The following TMEM182 variants were observed in gnomAD, a reference collection of about 807,000 sequenced individuals.
TMEM182 encodes transmembrane protein 182.
Under a neutral mutation model 26.8 loss-of-function variants are expected in TMEM182, and 20 were observed. The ratio of observed to expected loss-of-function variants is 0.75; its 90% CI spans 0.53 to 1.09. The LOEUF (loss-of-function observed/expected upper bound fraction) is 1.09, where lower values mean the gene tolerates loss of function less well. Among genes scored for constraint, TMEM182 ranks in the 50% least tolerant of loss-of-function variants. The pLI, the probability that TMEM182 is intolerant of heterozygous loss-of-function variation, is 0.00. For missense variants in TMEM182, 277 were observed against 275.5 expected, an observed-to-expected ratio of 1.01 and a Z score of -0.04; for synonymous variants, 109 against 102.2, an observed-to-expected ratio of 1.07 and a Z score of -0.40.
intron 3 of TMEM182, among the ~76,000 whole-genome samples, chr2:102,766,888 T>C (rs554032719): frequency 2.7e-4 from 41 of 152,292 alleles, no homozygotes; most frequent in African/African-American, 9.9e-4. Context: ...GAAAATAATA[T>C]AGTGGTGTAT....
At chr2:102,797,672 G>A in intron 3 of TMEM182, 191 bp from the exon 4 acceptor site, 1 of 595,452 alleles carries the variant, frequency 1.7e-6, no homozygotes, top group Non-Finnish European at 2.8e-6. Context: ...TCACCAGCTT[G>A]GACATCACTG....
intron 3 of TMEM182, among the ~76,000 whole-genome samples, chr2:102,774,327 C>T (rs1208156833): frequency 6.9e-6 from 1 of 144,306 alleles, no homozygotes; most frequent in Non-Finnish European, 1.5e-5. Flanking sequence ...GCTATCTCAG[C>T]TTACTGCAAC....
intron 1 of TMEM182, among the ~76,000 whole-genome samples, chr2:102,749,736 C>T (rs1679820500): frequency 6.6e-6 from 1 of 151,992 alleles, no homozygotes; most frequent in Admixed American, 6.6e-5. Context: ...TTAATTTCAT[C>T]CTGTTCAAGA....
intron 3 of TMEM182, among the ~76,000 whole-genome samples, chr2:102,831,223 G>A (rs140030913): frequency 6.0e-4 from 91 of 152,324 alleles, no homozygotes; most frequent in Non-Finnish European, 1.0e-3. Flanking sequence ...TATACACCCA[G>A]CAGTGGGATT....
rs1459858817 is a variant in TMEM182, at chr2:102,815,710, G to A, written c.*742G>A. On this transcript the variant is annotated 3_prime_UTR_variant, in exon 5 of 5. Coordinates refer to ENST00000412401, the MANE Select transcript of TMEM182 (RefSeq NM_144632.5). The stretch of plus-strand genomic sequence containing the variant: ...TTTATGAACTTAAAGTGAGTTAATT[G>A]TATAATGTAATATTGTTTAAAATAT... 2.1e-6 allele frequency: 2 copies of A among 969,960 alleles called. No individual in the cohort carries two copies. The highest frequency in any genetic ancestry group is 2.5e-6 in the Non-Finnish European group (2 of 815,998). 60.1% of individuals were successfully genotyped at this position (969,960 alleles called of 1,614,324 possible).
intron 1 of TMEM182, among the ~76,000 whole-genome samples, chr2:102,756,696 G>A (rs543125277): frequency 3.9e-5 from 6 of 152,306 alleles, no homozygotes; most frequent in South Asian, 2.1e-4. Flanking sequence ...GCAACAGAGC[G>A]AGACTCCGTC....
At chr2:102,818,083 G>T (rs1682813251), downstream of TMEM182, among the ~76,000 whole-genome samples, 1 of 152,204 alleles carries the variant, frequency 6.6e-6, no homozygotes, top group Non-Finnish European at 1.5e-5. Flanking sequence ...GTGGAATTGT[G>T]AGAAAGACCA....
At chr2:102,798,499 A>G (rs1037182117) in intron 4 of TMEM182, among the ~76,000 whole-genome samples, 1 of 152,224 alleles carries the variant, frequency 6.6e-6, no homozygotes, top group Non-Finnish European at 1.5e-5. Flanking sequence ...ATGATTTATC[A>G]TAGGTACAAA....
At chr2:102,771,575 C>A (rs569449048) in intron 3 of TMEM182, among the ~76,000 whole-genome samples, 1 of 152,156 alleles carries the variant, frequency 6.6e-6, no homozygotes, top group Non-Finnish European at 1.5e-5. Context: ...TATGTAATAT[C>A]CCTGCAACGA....
rs543923225 is a variant in TMEM182, at chr2:102,817,115, G to C, written c.*2147G>C. Reference sequence around the variant, plus strand: ...AGCAACCCTCTGAAGGAATGAAGGAGAGTTGTGATTGCTATGTCAATGAGT... The same window carrying C: ...AGCAACCCTCTGAAGGAATGAAGGACAGTTGTGATTGCTATGTCAATGAGT... On this transcript the variant is annotated 3_prime_UTR_variant, in exon 5 of 5. Coordinates refer to ENST00000412401, the MANE Select transcript of TMEM182 (RefSeq NM_144632.5). 4 of 985,438 alleles carry C rather than the reference G, an allele frequency of 4.1e-6. No individual in the cohort carries two copies. The highest frequency in any genetic ancestry group is 3.5e-5 in the African/African-American group (2 of 57,366). 61.0% of individuals were successfully genotyped at this position (985,438 alleles called of 1,614,324 possible).
intron 1 of TMEM182, among the ~76,000 whole-genome samples, chr2:102,745,418 G>A (rs2732831): frequency 0.48 from 72,056 of 151,690 alleles, 17,805 homozygotes; most frequent in African/African-American, 0.61. Context: ...GTCATATCTG[G>A]GTTTGCTTGT....
chr2:102,740,650 A>G (rs1457384763), intron 1 of TMEM182, among the ~76,000 whole-genome samples: 1 of 152,200 alleles, frequency 6.6e-6, no homozygotes, highest in Non-Finnish European at 1.5e-5. Context: ...GAGCTTAGGA[A>G]TGTCTTAAAA....
intron 3 of TMEM182, among the ~76,000 whole-genome samples, chr2:102,797,240 A>G (rs538944590): frequency 6.6e-6 from 1 of 152,218 alleles, no homozygotes; most frequent in Non-Finnish European, 1.5e-5. Flanking sequence ...TTAAATTATC[A>G]GATTTGCTTG....
chr2:102,753,327 G>C (rs1268002658), intron 1 of TMEM182, among the ~76,000 whole-genome samples: 1 of 152,106 alleles, frequency 6.6e-6, no homozygotes, highest in Non-Finnish European at 1.5e-5. Context: ...CCCCCTTGGT[G>C]TGAATTACTT....
At chr2:102,809,400 C>T (rs1322205358) in intron 4 of TMEM182, among the ~76,000 whole-genome samples, 2 of 152,148 alleles carry the variant, frequency 1.3e-5, no homozygotes, top group Non-Finnish European at 2.9e-5. Flanking sequence ...CTAAATTCAC[C>T]GTTTCATGAA....
At chr2:102,795,695 G>A (rs1169557381) in intron 3 of TMEM182, among the ~76,000 whole-genome samples, 1 of 152,076 alleles carries the variant, frequency 6.6e-6, no homozygotes, top group East Asian at 1.9e-4. Flanking sequence ...CTTGGTATTT[G>A]TGTAGGTTCA....
intron 1 of TMEM182, among the ~76,000 whole-genome samples, chr2:102,751,525 C>T (rs920644019): frequency 1.3e-5 from 2 of 152,118 alleles, no homozygotes; most frequent in South Asian, 2.1e-4. Context: ...TCCAGCCTGC[C>T]CTTCTATGTC....
At chr2:102,746,144 GGTA>G (rs1679688783) in intron 1 of TMEM182, among the ~76,000 whole-genome samples, 1 of 152,134 alleles carries the variant, frequency 6.6e-6, no homozygotes, top group Admixed American at 6.5e-5. Flanking sequence ...GTGGATGCGA[GGTA>G]GTATCTCACT....
At chr2:102,806,389 CCTT>C (rs1238294672) in intron 4 of TMEM182, among the ~76,000 whole-genome samples, 1 of 152,122 alleles carries the variant, frequency 6.6e-6, no homozygotes, top group Non-Finnish European at 1.5e-5. Context: ...CCTGGATTCA[CCTT>C]CTGTTCTTGG....
Sources: gnomAD v4.1 joint callset for allele counts (sites outside exome capture counted in the v4.1 genomes callset) on GRCh38, gnomAD v4.1.1 for gene constraint, MANE v1.5 for transcripts, NCBI Gene and HGNC (gene_info 2026-07-23, HGNC 2026-07-21) for gene names.